The following KDM3B variants were observed in gnomAD, a reference collection of about 807,000 sequenced individuals.
The protein encoded by KDM3B is lysine demethylase 3B, also known as lysine-specific demethylase 3B.
In KDM3B, 10 loss-of-function variants were observed where a neutral mutation model predicts 170.0. The observed-to-expected ratio is 0.06, with a 90% CI of 0.04 to 0.10. KDM3B has a LOEUF of 0.10. Among genes scored for constraint, KDM3B ranks in the 10% least tolerant of loss-of-function variants. The pLI, the probability that KDM3B is intolerant of heterozygous loss-of-function variation, is 1.00. For missense variants in KDM3B, 1,394 were observed against 2,195.2 expected, an observed-to-expected ratio of 0.64 and a Z score of 7.29; for synonymous variants, 831 against 834.8, an observed-to-expected ratio of 1.00 and a Z score of 0.08.
chr5:138,407,897 A>T (rs1762864062), intron 11 of KDM3B, among the ~76,000 whole-genome samples: 1 of 152,232 alleles, frequency 6.6e-6, no homozygotes, highest in Non-Finnish European at 1.5e-5. Flanking sequence ...ACAGGTGTTA[A>T]GAAGAAATTA....
intron 9 of KDM3B, among the ~76,000 whole-genome samples, chr5:138,395,800 T>C (rs1412421414): frequency 2.0e-5 from 3 of 151,832 alleles, no homozygotes; most frequent in Non-Finnish European, 1.5e-5. Flanking sequence ...GTATTTTTGG[T>C]AGAGACAGGG....
At chr5:138,377,888 TAGTATGGAATCC>T in intron 4 of KDM3B, 63 bp downstream of exon 4, 3 of 1,211,382 alleles carry the variant, frequency 2.5e-6, no homozygotes, top group Non-Finnish European at 3.6e-6. Flanking sequence ...TGTTGAGTGA[TAGTATGGAATCC>T]CATGCAACCT....
chr5:138,432,673 A>T (rs1763564627), intron 23 of KDM3B, among the ~76,000 whole-genome samples: 1 of 152,068 alleles, frequency 6.6e-6, no homozygotes. Flanking sequence ...CGTCTCAAAG[A>T]AAAAAAAGAA....
intron 8 of KDM3B, 69 bp from the exon 9 acceptor site, chr5:138,393,102 A>T: frequency 6.9e-7 from 1 of 1,455,838 alleles, no homozygotes; most frequent in Non-Finnish European, 9.6e-7. Flanking sequence ...GTCTGTCCCC[A>T]AAAGAATCAT....
At chr5:138,401,227 C>T (rs1185605781) in intron 11 of KDM3B, among the ~76,000 whole-genome samples, 1 of 149,928 alleles carries the variant, frequency 6.7e-6, no homozygotes, top group East Asian at 2.0e-4. Context: ...GCTGAGATCA[C>T]GCCACTGTAC....
At chr5:138,435,581 G>T in intron 23 of KDM3B, 39 bp from the exon 24 acceptor site, 1 of 1,514,896 alleles carries the variant, frequency 6.6e-7, no homozygotes, top group South Asian at 1.1e-5. Flanking sequence ...CATTTGCATG[G>T]GGCTGCTGTG....
chr5:138,373,345 CAAAA>C (rs1440648421), intron 2 of KDM3B, among the ~76,000 whole-genome samples: 1 of 150,708 alleles, frequency 6.6e-6, no homozygotes, highest in Admixed American at 6.6e-5. Flanking sequence ...GTCTCAAAAA[CAAAA>C]AAAACAACAA....
chr5:138,403,039 C>T (rs1374627066), intron 11 of KDM3B, among the ~76,000 whole-genome samples: 2 of 152,188 alleles, frequency 1.3e-5, no homozygotes, highest in African/African-American at 2.4e-5. Flanking sequence ...TCACAAAATT[C>T]ATGATTTGTA....
intron 11 of KDM3B, among the ~76,000 whole-genome samples, chr5:138,402,230 T>C (rs1042607774): frequency 5.9e-5 from 9 of 152,222 alleles, no homozygotes; most frequent in African/African-American, 2.2e-4. Flanking sequence ...AGCCATTTGT[T>C]TATTTTCTTA....
At chr5:138,434,709 T>C (rs1170968277) in intron 23 of KDM3B, among the ~76,000 whole-genome samples, 23 of 152,214 alleles carry the variant, frequency 1.5e-4, no homozygotes, top group Admixed American at 1.5e-3. Flanking sequence ...TTTAATCTGT[T>C]ACTTAACCCT....
At chr5:138,358,387 C>T (rs150103658) in intron 1 of KDM3B, among the ~76,000 whole-genome samples, 1,889 of 150,278 alleles carry the variant, frequency 0.013, 42 homozygotes, top group African/African-American at 0.043. Context: ...TCACTGCAAC[C>T]TCTCTCTCCC....
chr5:138,428,204 T>G, intron 20 of KDM3B, 118 bp downstream of exon 20: 2 of 1,071,956 alleles, frequency 1.9e-6, no homozygotes, highest in Non-Finnish European at 2.6e-6. Flanking sequence ...TTCTTTTTTC[T>G]GTTTTTTTTT....
At chr5:138,403,288 C>T (rs182840754) in intron 11 of KDM3B, among the ~76,000 whole-genome samples, 6 of 152,238 alleles carry the variant, frequency 3.9e-5, no homozygotes, top group African/African-American at 9.6e-5. Context: ...CAGTAATTAT[C>T]GAGTGTGCAA....
chr5:138,436,773 C>G lies in KDM3B; in HGVS notation c.*1073C>G, dbSNP rs1258909051. On this transcript the variant is annotated 3_prime_UTR_variant, in exon 24 of 24. Coordinates refer to ENST00000314358, the MANE Select transcript of KDM3B (RefSeq NM_016604.4). ...AAATATTTTCAGCAAAACTTTCCAA[C>G]TGAGTGGAGTCTGATTAAGGATTTA... 6.6e-6 allele frequency: 1 copy of G among 152,122 alleles called. No individual in the cohort carries two copies. The highest frequency in any genetic ancestry group is 1.5e-5 in the Non-Finnish European group (1 of 68,036). 9.4% of individuals were successfully genotyped at this position (152,122 alleles called of 1,614,324 possible). A position where few individuals can be genotyped will look rare whatever the true frequency, so the allele number is the denominator to read the frequency against.
Position 138,391,339 on chromosome 5 carries a change from T to G in KDM3B, c.1707T>G (p.Cys569Trp). Residue 569 changes from cysteine (C) to tryptophan (W), a missense_variant, in exon 8 of 24, where the codon TGT becomes TGG. Cys to Trp is a radical substitution (Grantham distance 215). Around this residue, in one of 19 missense-constraint regions of KDM3B, gnomAD observed 294 missense variants for 311.7 expected, o/e 0.94. Transcript: ENST00000314358. The surrounding 1 kb of genome is among the most constrained non-coding windows in gnomAD (Gnocchi z 5.0). The part of the protein sequence containing the change: ...QSLESLSSGL[C>W]KGRSVLGTDT... ...TTGAGAGCCTGAGCTCAGGCCTGTG[T>G]AAAGGCAGATCCGTTCTTGGAACAG... 6.2e-7 allele frequency: 1 copy of G among 1,614,212 alleles called. No individual in the cohort carries two copies. The highest frequency in any genetic ancestry group is 8.5e-7 in the Non-Finnish European group (1 of 1,180,030).
intron 9 of KDM3B, among the ~76,000 whole-genome samples, chr5:138,396,756 A>G (rs4835786): frequency 0.4 from 60,601 of 151,694 alleles, 12,405 homozygotes; most frequent in East Asian, 0.57. Context: ...AGGTCCTCAC[A>G]GGGGAAGTAA....
chr5:138,409,749 C>A (rs1762912015), intron 11 of KDM3B, among the ~76,000 whole-genome samples: 1 of 152,022 alleles, frequency 6.6e-6, no homozygotes, highest in African/African-American at 2.4e-5. Flanking sequence ...AAGATCCCAT[C>A]TCTACAAAAA....
intron 1 of KDM3B, among the ~76,000 whole-genome samples, chr5:138,361,609 G>C (rs961388341): frequency 9.2e-5 from 14 of 152,206 alleles, no homozygotes; most frequent in African/African-American, 3.1e-4. Context: ...AAGCAGCCTT[G>C]ATTTTGGTGA....
chr5:138,367,169 C>A (rs1761766392), intron 1 of KDM3B, among the ~76,000 whole-genome samples: 1 of 152,160 alleles, frequency 6.6e-6, no homozygotes, highest in South Asian at 2.1e-4. Flanking sequence ...TTTATTATTA[C>A]CCTGATTACT....
Sources: allele counts gnomAD v4.1 joint callset (sites outside exome capture counted in the v4.1 genomes callset), GRCh38; gene constraint gnomAD v4.1.1; regional missense constraint gnomAD v4.1.1; non-coding constraint Gnocchi (gnomAD v3.1); transcripts MANE v1.5; gene names NCBI Gene and HGNC (gene_info 2026-07-23, HGNC 2026-07-21).